DCDC1: variants seen among roughly 807,000 people sequenced by gnomAD.
DCDC1 encodes doublecortin domain containing 1.
Under a neutral mutation model 178.3 loss-of-function variants are expected in DCDC1, and 200 were observed. The observed-to-expected ratio is 1.12, with a 90% CI of 1.00 to 1.26. DCDC1 has a LOEUF of 1.26. Among genes scored for constraint, DCDC1 ranks in the 50% most tolerant of loss-of-function variants. DCDC1 has a pLI of 0.00. For missense variants in DCDC1, 1,983 were observed against 1,749.2 expected, an observed-to-expected ratio of 1.13 and a Z score of -2.38; for synonymous variants, 690 against 604.8, an observed-to-expected ratio of 1.14 and a Z score of -2.07.
At chr11:31,171,120 G>A (rs1029715371) in intron 9 of DCDC1, among the ~76,000 whole-genome samples, 3 of 152,100 alleles carry the variant, frequency 2.0e-5, no homozygotes, top group Non-Finnish European at 2.9e-5. Context: ...GAGCCATTGC[G>A]CCAGGCTGAA....
At chr11:31,137,627 C>A (rs923518433) in intron 10 of DCDC1, 65 bp downstream of exon 10, 5 of 680,524 alleles carry the variant, frequency 7.3e-6, no homozygotes, top group Admixed American at 2.1e-5. Flanking sequence ...GGATTACAGG[C>A]GTAAGCCACT....
Position 31,356,895 on chromosome 11 carries a change from T to C in DCDC1, c.-125+12802A>G, listed in dbSNP as rs1341496969. Among the ~76,000 whole-genome samples, 3 of 152,140 alleles carry C rather than the reference T, an allele frequency of 2.0e-5. No individual in the cohort carries two copies. The East Asian group carries it at 5.8e-4, about 29-fold the overall frequency. On this transcript the variant is annotated intron_variant, in intron 1 of 38. Transcript: ENST00000684477. ...TCCCAAGACTAAACCAGGAAGAAGTTGAATCTCTGAATAGACCAACAACAG... is the reference window on the plus strand; with the variant it reads ...TCCCAAGACTAAACCAGGAAGAAGTCGAATCTCTGAATAGACCAACAACAG...
intron 20 of DCDC1, among the ~76,000 whole-genome samples, chr11:30,964,011 A>G (rs1949275886): frequency 6.6e-6 from 1 of 152,038 alleles, no homozygotes; most frequent in African/African-American, 2.4e-5. Context: ...CACTTCTCCA[A>G]GTTCTTCAAG....
chr11:30,939,417 G>A (rs189840585), intron 21 of DCDC1, among the ~76,000 whole-genome samples: 1 of 152,278 alleles, frequency 6.6e-6, no homozygotes, highest in Non-Finnish European at 1.5e-5. Flanking sequence ...GAGGCACAAA[G>A]AACAGCAAAA....
intron 20 of DCDC1, among the ~76,000 whole-genome samples, chr11:30,956,149 C>G (rs1428582931): frequency 3.9e-5 from 6 of 152,116 alleles, no homozygotes; most frequent in African/African-American, 1.4e-4. Flanking sequence ...TCCCTCTGAG[C>G]ATTCATGTTG....
chr11:31,127,525 G>A lies in DCDC1; in HGVS notation c.1429C>T (p.Gln477Ter). The A allele has an allele frequency of 1.4e-6, 1 of 702,698 alleles. No homozygotes were observed. Among genetic ancestry groups the A allele is most frequent in the South Asian group, 1.5e-5 (1 of 67,592 alleles). 43.5% of individuals were successfully genotyped at this position (702,698 alleles called of 1,614,324 possible). A position where few individuals can be genotyped will look rare whatever the true frequency, so the allele number is the denominator to read the frequency against. ...TTTGCTGGAAGGCTTTTAATGTGTT[G>A]GTAGACATAAGAGGAGAATTGCTCC... ...EQEQFSSYVY[Q>*]HIKSLPANTL... The change falls in exon 11 of 39, where the codon CAA becomes TAA. Residue 477 changes from glutamine (Q) to a stop codon, truncating the protein, a stop_gained. Transcript: ENST00000684477. LOFTEE classifies it high-confidence loss of function.
chr11:31,335,280 CA>C (rs1950213106), intron 2 of DCDC1, among the ~76,000 whole-genome samples, 166 bp downstream of exon 2: 1 of 152,308 alleles, frequency 6.6e-6, no homozygotes, highest in African/African-American at 2.4e-5. Context: ...TGGGCTGGAG[CA>C]CCCTATTTTT....
intron 20 of DCDC1, among the ~76,000 whole-genome samples, chr11:30,979,417 T>G (rs1950270932): frequency 6.6e-6 from 1 of 152,194 alleles, no homozygotes; most frequent in South Asian, 2.1e-4. Context: ...AATCTTGCAT[T>G]TCTGAACAAA....
intron 9 of DCDC1, among the ~76,000 whole-genome samples, chr11:31,160,957 T>A (rs561747010): frequency 6.6e-6 from 1 of 152,286 alleles, no homozygotes; most frequent in African/African-American, 2.4e-5. Flanking sequence ...CACCATCCAA[T>A]CCTTATGGTT....
At chr11:31,255,817 C>G (rs1240732986) in intron 8 of DCDC1, among the ~76,000 whole-genome samples, 1 of 152,104 alleles carries the variant, frequency 6.6e-6, no homozygotes, top group African/African-American at 2.4e-5. Flanking sequence ...CACAAAAATT[C>G]CAAATTTAAT....
chr11:31,084,158 A>G (rs1230597979), intron 17 of DCDC1, among the ~76,000 whole-genome samples: 1 of 152,178 alleles, frequency 6.6e-6, no homozygotes, highest in East Asian at 1.9e-4. Flanking sequence ...CAAATGAGAC[A>G]TAATTGAACT....
At chr11:31,358,203 G>C (rs1951497872) in intron 1 of DCDC1, among the ~76,000 whole-genome samples, 1 of 151,984 alleles carries the variant, frequency 6.6e-6, no homozygotes. Flanking sequence ...CAAGGCTACA[G>C]TAACCAAAAC....
chr11:30,973,510 TC>T (rs1156599785), intron 20 of DCDC1, among the ~76,000 whole-genome samples: 1 of 152,068 alleles, frequency 6.6e-6, no homozygotes, highest in Non-Finnish European at 1.5e-5. Context: ...TACAAGAAAC[TC>T]ACTTTATCTA....
intron 6 of DCDC1, among the ~76,000 whole-genome samples, chr11:31,295,300 G>A (rs1363468265): frequency 6.6e-6 from 1 of 151,536 alleles, no homozygotes; most frequent in South Asian, 2.1e-4. Context: ...ATCCATAGTT[G>A]GTTGAACCCA....
chr11:31,221,166 A>G (rs537050510), intron 9 of DCDC1, among the ~76,000 whole-genome samples: 4 of 152,268 alleles, frequency 2.6e-5, no homozygotes, highest in African/African-American at 4.8e-5. Flanking sequence ...AATTGTCCCA[A>G]AAGTCTTCAC....
chr11:30,977,262 G>T (rs1045045300), intron 20 of DCDC1, among the ~76,000 whole-genome samples: 3 of 152,176 alleles, frequency 2.0e-5, no homozygotes, highest in Admixed American at 6.5e-5. Context: ...TCTAATGTTT[G>T]ATAGCAGAGT....
intron 7 of DCDC1, among the ~76,000 whole-genome samples, chr11:31,269,488 T>A (rs1485438499): frequency 1.3e-5 from 2 of 151,792 alleles, no homozygotes; most frequent in Non-Finnish European, 2.9e-5. Context: ...GCTCAGGCAA[T>A]CCTACTAGGT....
intron 20 of DCDC1, among the ~76,000 whole-genome samples, chr11:31,000,476 T>C (rs535099452): frequency 1.3e-5 from 2 of 152,116 alleles, no homozygotes; most frequent in South Asian, 4.1e-4. Flanking sequence ...CAGAGCCCTT[T>C]TCTGTAAAGT....
chr11:31,311,809 T>C (rs1243523300), intron 3 of DCDC1, among the ~76,000 whole-genome samples: 1 of 152,098 alleles, frequency 6.6e-6, no homozygotes, highest in Non-Finnish European at 1.5e-5. Flanking sequence ...TTTCTGAGAG[T>C]CCTCAAAGTG....
Sources: allele counts gnomAD v4.1 joint callset (sites outside exome capture counted in the v4.1 genomes callset), GRCh38; gene constraint gnomAD v4.1.1; transcripts MANE v1.5; gene names NCBI Gene and HGNC (gene_info 2026-07-23, HGNC 2026-07-21).